DLGAP1: variants seen among roughly 807,000 people sequenced by gnomAD.
The protein encoded by DLGAP1 is DLG associated protein 1, also known as disks large-associated protein 1.
In DLGAP1, 11 loss-of-function variants were observed where a neutral mutation model predicts 90.8. The observed-to-expected ratio is 0.12, with a 90% CI of 0.08 to 0.20. The LOEUF is 0.20. Ranked by LOEUF, DLGAP1 falls within the 10% of genes least tolerant of loss-of-function variation. The pLI is 1.00. For synonymous variants in DLGAP1, 558 were observed against 540.7 expected (o/e 1.03, Z -0.44); for missense variants, 1,050 against 1,333.8 (o/e 0.79, Z 3.31).
intron 1 of DLGAP1, among the ~76,000 whole-genome samples, chr18:4,160,759 A>G (rs958115166): frequency 2.6e-5 from 4 of 152,160 alleles, no homozygotes; most frequent in African/African-American, 9.7e-5. Flanking sequence ...TTTTTTATGA[A>G]TTAATTTCCC....
chr18:4,091,619 T>C (rs918241864), intron 2 of DLGAP1, among the ~76,000 whole-genome samples: 2 of 152,222 alleles, frequency 1.3e-5, no homozygotes, highest in Non-Finnish European at 2.9e-5. Context: ...ATTAAGTTCA[T>C]TGATTCTTTC....
chr18:4,294,548 G>A (rs1183080756), intron 1 of DLGAP1: 5 of 152,352 alleles, frequency 3.3e-5, no homozygotes, highest in South Asian at 2.1e-4. Flanking sequence ...GAACCAGAGC[G>A]AGAGCTTTTG....
At chr18:4,105,941 A>G (rs1010919141) in intron 2 of DLGAP1, among the ~76,000 whole-genome samples, 1 of 148,764 alleles carries the variant, frequency 6.7e-6, no homozygotes, top group Non-Finnish European at 1.5e-5. Flanking sequence ...CCGAGGCAGG[A>G]GAATGGCGTG....
chr18:4,007,431 G>A (rs575400372), intron 2 of DLGAP1, among the ~76,000 whole-genome samples: 2 of 152,306 alleles, frequency 1.3e-5, no homozygotes, highest in South Asian at 4.1e-4. Flanking sequence ...GAGGCCGGCA[G>A]ATTACCTGAG....
chr18:3,789,689 A>G (rs1006952144), intron 5 of DLGAP1, among the ~76,000 whole-genome samples: 3 of 152,340 alleles, frequency 2.0e-5, no homozygotes, highest in East Asian at 1.9e-4. Context: ...ATAGTGGTCA[A>G]CAGTGTAAAA....
At chr18:4,398,732 A>T (rs1013817712) in intron 1 of DLGAP1, among the ~76,000 whole-genome samples, 1 of 152,228 alleles carries the variant, frequency 6.6e-6, no homozygotes, top group African/African-American at 2.4e-5. Context: ...CTATGTGTCC[A>T]TTAAGCCAGG....
At chr18:4,041,829 A>G (rs1392194072) in intron 2 of DLGAP1, among the ~76,000 whole-genome samples, 2 of 152,212 alleles carry the variant, frequency 1.3e-5, no homozygotes, top group Non-Finnish European at 2.9e-5. Flanking sequence ...AATTCTTAAC[A>G]TATTAAAGGG....
chr18:3,585,247 CAT>C (rs1202791436), intron 7 of DLGAP1, among the ~76,000 whole-genome samples: 1 of 152,230 alleles, frequency 6.6e-6, no homozygotes, highest in East Asian at 1.9e-4. Flanking sequence ...AATGCCAGTG[CAT>C]ATACATTGTA....
At chr18:4,093,321 C>T (rs2143779570) in intron 2 of DLGAP1, among the ~76,000 whole-genome samples, 1 of 152,194 alleles carries the variant, frequency 6.6e-6, no homozygotes, top group East Asian at 1.9e-4. Flanking sequence ...AGCTTTTTCC[C>T]AGTAACGGGA....
At chr18:3,866,920 G>A (rs1319829662) in intron 4 of DLGAP1, among the ~76,000 whole-genome samples, 1 of 152,132 alleles carries the variant, frequency 6.6e-6, no homozygotes, top group Admixed American at 6.5e-5. Context: ...GTGCTACCTT[G>A]GATCACTGTA....
intron 7 of DLGAP1, chr18:3,655,993 A>G: frequency 7.9e-7 from 1 of 1,267,794 alleles, no homozygotes. Context: ...CATGGCGTCA[A>G]ACACCACTGC....
At position 3,534,176 on chromosome 18, in the gene DLGAP1, C is replaced by T. The variant is rs748532636; in HGVS notation, c.2479+18G>A. The T allele has an allele frequency of 7.5e-6, 12 of 1,603,104 alleles. No individual in the cohort carries two copies. The highest frequency in any genetic ancestry group is 1.7e-4 in the Middle Eastern group (1 of 6,020). ...CCAGCCCCAGGGGACGGGTGTGGCA[C>T]GTGGTGGCATTACTTACTGTCTTCG... On this transcript the variant is annotated intron_variant, in intron 10 of 12. Coordinates refer to ENST00000315677, the MANE Select transcript of DLGAP1 (RefSeq NM_004746.4).
chr18:3,599,689 G>A (rs1234224052), intron 7 of DLGAP1, among the ~76,000 whole-genome samples: 1 of 152,068 alleles, frequency 6.6e-6, no homozygotes, highest in Admixed American at 6.6e-5. Flanking sequence ...GCGCGATCTC[G>A]GCTCACTGCA....
At chr18:3,719,964 T>C (rs2061914911) in intron 7 of DLGAP1, among the ~76,000 whole-genome samples, 1 of 152,196 alleles carries the variant, frequency 6.6e-6, no homozygotes, top group South Asian at 2.1e-4. Context: ...CATTTAAGGT[T>C]GGATTTGAAG....
chr18:4,211,156 C>T (rs16946278), intron 1 of DLGAP1, among the ~76,000 whole-genome samples: 19,361 of 152,110 alleles, frequency 0.13, 1,312 homozygotes, highest in African/African-American at 0.18. Context: ...CCTGGTTTAC[C>T]GCATTAAGAT....
At chr18:3,521,948 T>G (rs2051219800) in intron 10 of DLGAP1, among the ~76,000 whole-genome samples, 1 of 152,230 alleles carries the variant, frequency 6.6e-6, no homozygotes, top group African/African-American at 2.4e-5. Flanking sequence ...ACTAATTAGC[T>G]GATATAGTCT....
chr18:4,405,032 A>G (rs1360582177), intron 1 of DLGAP1, among the ~76,000 whole-genome samples: 1 of 152,230 alleles, frequency 6.6e-6, no homozygotes, highest in Non-Finnish European at 1.5e-5. Flanking sequence ...GGAAAGAACA[A>G]GAATATAAGC....
intron 5 of DLGAP1, among the ~76,000 whole-genome samples, chr18:3,809,829 G>T (rs1211404094): frequency 6.6e-6 from 1 of 152,112 alleles, no homozygotes; most frequent in Non-Finnish European, 1.5e-5. Context: ...TCCCAGATGG[G>T]ATTTGGACTT....
chr18:4,311,718 T>C (rs1333080847), intron 1 of DLGAP1, among the ~76,000 whole-genome samples: 1 of 152,074 alleles, frequency 6.6e-6, no homozygotes, highest in Non-Finnish European at 1.5e-5. Flanking sequence ...GCCAACTAAA[T>C]ATATATATGT....
Sources: allele counts gnomAD v4.1 joint callset (sites outside exome capture counted in the v4.1 genomes callset), GRCh38; gene constraint gnomAD v4.1.1; transcripts MANE v1.5; gene names NCBI Gene and HGNC (gene_info 2026-07-23, HGNC 2026-07-21).